The following CCDC171 variants were observed in gnomAD, a reference collection of about 807,000 sequenced individuals.
CCDC171 encodes the protein coiled-coil domain-containing protein 171.
A neutral mutation model predicts 168.2 loss-of-function variants in CCDC171; 177 were observed. The observed-to-expected ratio is 1.05, with a 90% CI of 0.93 to 1.19. The LOEUF (loss-of-function observed/expected upper bound fraction) is 1.19, where lower values mean the gene tolerates loss of function less well. Among genes scored for constraint, CCDC171 ranks in the 50% most tolerant of loss-of-function variants. The probability of loss-of-function intolerance (pLI) is 0.00; values close to 1 mark genes in which losing one functional copy is unlikely to be tolerated. For missense variants in CCDC171, 1,991 were observed against 1,539.0 expected, an observed-to-expected ratio of 1.29 and a Z score of -4.91; for synonymous variants, 687 against 540.8, an observed-to-expected ratio of 1.27 and a Z score of -3.75.
intron 3 of CCDC171, among the ~76,000 whole-genome samples, chr9:16,005,654 G>A (rs751969535): frequency 1.4e-4 from 22 of 152,152 alleles, no homozygotes; most frequent in Non-Finnish European, 2.8e-4. Flanking sequence ...TTGACTTAGC[G>A]TTACATTGAA....
At chr9:15,812,966 A>G (rs2059419750) in intron 21 of CCDC171, among the ~76,000 whole-genome samples, 1 of 152,186 alleles carries the variant, frequency 6.6e-6, no homozygotes, top group South Asian at 2.1e-4. Context: ...AGATGATCCT[A>G]GATTTTGAGC....
chr9:15,899,027 A>G (rs373103289), intron 24 of CCDC171, among the ~76,000 whole-genome samples: 15 of 152,182 alleles, frequency 9.9e-5, no homozygotes, highest in African/African-American at 3.6e-4. Flanking sequence ...CATTTCTATA[A>G]GTTTGTCATT....
intron 6 of CCDC171, among the ~76,000 whole-genome samples, chr9:15,621,793 G>A (rs978700856): frequency 6.6e-6 from 1 of 152,162 alleles, no homozygotes; most frequent in Middle Eastern, 3.2e-3. Context: ...ATACTCAAAG[G>A]AATAGAAATT....
intron 4 of CCDC171, among the ~76,000 whole-genome samples, chr9:15,579,882 G>C (rs912594555): frequency 6.6e-6 from 1 of 152,102 alleles, no homozygotes; most frequent in Non-Finnish European, 1.5e-5. Flanking sequence ...CATTTGAGTA[G>C]TGTCCAATTT....
At chr9:15,824,029 G>A (rs1052573576) in intron 21 of CCDC171, among the ~76,000 whole-genome samples, 3 of 152,012 alleles carry the variant, frequency 2.0e-5, no homozygotes, top group Non-Finnish European at 1.5e-5. Flanking sequence ...AAGCCAGTTA[G>A]TCATATTCTG....
chr9:15,629,240 A>G (rs1301695380), intron 7 of CCDC171, among the ~76,000 whole-genome samples: 1 of 152,136 alleles, frequency 6.6e-6, no homozygotes, highest in Admixed American at 6.6e-5. Context: ...TCCGAGCTAC[A>G]AGAGGAAATT....
At chr9:15,805,644 T>G (rs1419569414) in intron 21 of CCDC171, among the ~76,000 whole-genome samples, 1 of 152,090 alleles carries the variant, frequency 6.6e-6, no homozygotes, top group African/African-American at 2.4e-5. Flanking sequence ...CATTTGCATT[T>G]GCTGAGCAGT....
chr9:15,593,637 C>A (rs543019735), intron 5 of CCDC171, among the ~76,000 whole-genome samples: 59 of 151,952 alleles, frequency 3.9e-4, no homozygotes, highest in African/African-American at 1.2e-3. Flanking sequence ...TAGAGATTTC[C>A]ATATTAAATG....
intron 25 of CCDC171, among the ~76,000 whole-genome samples, chr9:15,950,324 T>A (rs201280672): frequency 6.4e-4 from 98 of 152,122 alleles, no homozygotes; most frequent in African/African-American, 2.1e-3. Flanking sequence ...CATAATTGTC[T>A]GATTCACCAA....
chr9:15,703,243 G>A (rs1042808583), intron 11 of CCDC171, among the ~76,000 whole-genome samples: 2 of 152,190 alleles, frequency 1.3e-5, no homozygotes, highest in African/African-American at 4.8e-5. Flanking sequence ...TTAAGAGAAT[G>A]TTGTGGCTGG....
intron 11 of CCDC171, among the ~76,000 whole-genome samples, chr9:15,706,512 T>C (rs545251978): frequency 7.2e-5 from 11 of 152,258 alleles, no homozygotes; most frequent in South Asian, 6.2e-4. Context: ...GGTCTCCAAC[T>C]GCTGAGTTTA....
intron 3 of CCDC171, among the ~76,000 whole-genome samples, chr9:15,994,179 A>G (rs1832295870): frequency 6.6e-6 from 1 of 152,234 alleles, no homozygotes; most frequent in African/African-American, 2.4e-5. Context: ...AAGACTTGGA[A>G]CCAACCCTAA....
In CCDC171 at chr9:15,784,323, T is replaced by A. The variant is rs970664736; in HGVS notation, c.3082-186T>A. Reference sequence around the variant, plus strand: ...TGAAAATGATAACTAAGTGTGGCTGTTTTGCTTTAAAAATCACAGTAGTAT... The same window carrying A: ...TGAAAATGATAACTAAGTGTGGCTGATTTGCTTTAAAAATCACAGTAGTAT... On this transcript the variant is annotated intron_variant, in intron 20 of 25. Transcript: ENST00000380701. 2.0e-5 allele frequency among the ~76,000 whole-genome samples: 3 copies of A among 152,198 alleles called. No homozygotes were observed. The East Asian group carries it at 5.8e-4, about 29-fold the overall frequency.
intron 6 of CCDC171, among the ~76,000 whole-genome samples, chr9:15,598,753 A>C (rs1429100169): frequency 6.6e-6 from 1 of 152,146 alleles, no homozygotes; most frequent in African/African-American, 2.4e-5. Context: ...GTGGGGTGTT[A>C]AAGTCTCCCA....
intron 18 of CCDC171, among the ~76,000 whole-genome samples, chr9:15,758,144 G>T (rs1217581334): frequency 6.6e-6 from 1 of 152,158 alleles, no homozygotes; most frequent in Non-Finnish European, 1.5e-5. Context: ...AGCTCGCACT[G>T]TTCACTTGGA....
intron 3 of CCDC171, among the ~76,000 whole-genome samples, chr9:15,982,209 T>C (rs1479240954): frequency 6.7e-5 from 10 of 148,374 alleles, no homozygotes; most frequent in Admixed American, 4.6e-4. Context: ...ATAGCCTTCA[T>C]GCTTCTGAGA....
intron 6 of CCDC171, among the ~76,000 whole-genome samples, chr9:16,027,885 A>C (rs1447957555): frequency 1.3e-5 from 2 of 152,168 alleles, no homozygotes; most frequent in Non-Finnish European, 2.9e-5. Flanking sequence ...TGCTGAAATC[A>C]TGTCTGTATG....
At chr9:15,919,423 C>G (rs1057467002) in intron 24 of CCDC171, among the ~76,000 whole-genome samples, 1 of 151,592 alleles carries the variant, frequency 6.6e-6, no homozygotes, top group South Asian at 2.1e-4. Context: ...GACTGTCTAC[C>G]TTTATACTAA....
the CCDC171 span, among the ~76,000 whole-genome samples, chr9:16,075,410 C>T: frequency 2.0e-5 from 3 of 152,112 alleles, no homozygotes; most frequent in Non-Finnish European, 4.4e-5. Context: ...ATATATTATG[C>T]TTATTTTAAA....
Sources: allele counts gnomAD v4.1 joint callset (sites outside exome capture counted in the v4.1 genomes callset), GRCh38; gene constraint gnomAD v4.1.1; transcripts MANE v1.5; gene names NCBI Gene and HGNC (gene_info 2026-07-23, HGNC 2026-07-21).